ZNF704: variants seen among roughly 807,000 people sequenced by gnomAD.
The protein encoded by ZNF704 is zinc finger protein 704.
A neutral mutation model predicts 44.7 loss-of-function variants in ZNF704; 10 were observed. That is an observed-to-expected ratio of 0.22 (90% CI 0.14 to 0.38). ZNF704 has a LOEUF of 0.38. ZNF704 is among the 10% of genes least tolerant of loss of function. ZNF704 has a pLI of 1.00. For synonymous variants in ZNF704, 211 were observed against 207.6 expected (o/e 1.02, Z -0.14); for missense variants, 390 against 545.5 (o/e 0.71, Z 2.84).
At position 80,812,338 on chromosome 8, in the gene ZNF704, C is replaced by A; in HGVS notation, c.221+9036G>T. 4 of 189,266 alleles carry A rather than the reference C, an allele frequency of 2.1e-5. No homozygotes were observed. The South Asian group carries it at 4.0e-4, about 19-fold the overall frequency. 11.7% of individuals were successfully genotyped at this position (189,266 alleles called of 1,614,324 possible). On this transcript the variant is annotated intron_variant, in intron 2 of 8. Coordinates refer to ENST00000327835, the MANE Select transcript of ZNF704 (RefSeq NM_001033723.3). ...GGCTGCTTGTCATCTGCAGCAGTGT[C>A]ATACCACATCTCTCCCAGTTTTTTC...
At chr8:80,691,794 C>T (rs1818639787) in intron 3 of ZNF704, among the ~76,000 whole-genome samples, 1 of 152,194 alleles carries the variant, frequency 6.6e-6, no homozygotes. Flanking sequence ...TTGTCTTCTT[C>T]AGCAACTTCA....
intron 2 of ZNF704, among the ~76,000 whole-genome samples, chr8:80,757,727 G>A (rs73268640): frequency 0.029 from 4,464 of 152,068 alleles, 241 homozygotes; most frequent in African/African-American, 0.1. Flanking sequence ...TATTTTTACC[G>A]TACCTTTTTA....
intron 4 of ZNF704, among the ~76,000 whole-genome samples, chr8:80,677,231 GT>G (rs2063389504): frequency 6.6e-6 from 1 of 152,116 alleles, no homozygotes; most frequent in African/African-American, 2.4e-5. Context: ...ATTGCTGATT[GT>G]TTTAGGATAT....
chr8:80,810,835 C>T (rs1808069248), intron 2 of ZNF704, among the ~76,000 whole-genome samples: 2 of 152,170 alleles, frequency 1.3e-5, no homozygotes, highest in South Asian at 4.1e-4. Flanking sequence ...CTATTTAGTT[C>T]CAACTAGTCC....
chr8:80,679,632 A>G (rs1305684895), intron 4 of ZNF704, among the ~76,000 whole-genome samples: 1 of 152,210 alleles, frequency 6.6e-6, no homozygotes, highest in East Asian at 1.9e-4. Flanking sequence ...CACCAACGTC[A>G]GCAAAGACCT....
intron 2 of ZNF704, among the ~76,000 whole-genome samples, chr8:80,817,280 CAAGG>C (rs1371253584): frequency 1.3e-5 from 2 of 152,160 alleles, no homozygotes; most frequent in Non-Finnish European, 2.9e-5. Flanking sequence ...GCTAACTGAC[CAAGG>C]AAGGGCCCAG....
chr8:80,660,679 A>G (rs76774592), intron 6 of ZNF704, among the ~76,000 whole-genome samples: 8,451 of 152,242 alleles, frequency 0.056, 260 homozygotes, highest in Middle Eastern at 0.092. Flanking sequence ...ATGAGAACAT[A>G]CACTGGGGAA....
intron 1 of ZNF704, among the ~76,000 whole-genome samples, chr8:80,852,555 A>G (rs1273022931): frequency 6.6e-6 from 1 of 152,224 alleles, no homozygotes; most frequent in Non-Finnish European, 1.5e-5. Flanking sequence ...TGTCCTCAGA[A>G]GCTACTTGCT....
At chr8:80,760,373 C>A (rs1204107514) in intron 2 of ZNF704, among the ~76,000 whole-genome samples, 1 of 151,964 alleles carries the variant, frequency 6.6e-6, no homozygotes, top group Admixed American at 6.6e-5. Flanking sequence ...TAAAGAAATA[C>A]CTGGCCGGGC....
chr8:80,659,341 T>C lies in ZNF704; in HGVS notation c.1032+244A>G, dbSNP rs371317049. On this transcript the variant is annotated intron_variant, in intron 7 of 8. Transcript: ENST00000327835. Reference sequence around the variant, plus strand: ...ACTACCAACACACAAAAAATCTTGATATATTTCCAACAAGTTGTTTATGAA... The same window carrying C: ...ACTACCAACACACAAAAAATCTTGACATATTTCCAACAAGTTGTTTATGAA... Among the ~76,000 whole-genome samples, 39 of 152,360 alleles carry C rather than the reference T, an allele frequency of 2.6e-4. 1 individual carries two copies. The highest frequency in any genetic ancestry group is 3.4e-3 in the Middle Eastern group (1 of 294).
chr8:80,773,875 C>A, intron 2 of ZNF704, among the ~76,000 whole-genome samples: 1 of 152,080 alleles, frequency 6.6e-6, no homozygotes, highest in Admixed American at 6.6e-5. Context: ...GCTTTAAAAT[C>A]TTTGTCAGAT....
chr8:80,811,702 C>A (rs796780255), intron 2 of ZNF704, among the ~76,000 whole-genome samples: 1 of 152,306 alleles, frequency 6.6e-6, no homozygotes, highest in African/African-American at 2.4e-5. Flanking sequence ...TCTTACGCAG[C>A]CTTACATTTC....
chr8:80,706,497 T>A (rs1818901348), intron 2 of ZNF704, among the ~76,000 whole-genome samples: 1 of 152,268 alleles, frequency 6.6e-6, no homozygotes, highest in Non-Finnish European at 1.5e-5. Flanking sequence ...TTTACCTTTT[T>A]GTTTTTTCAA....
At chr8:80,724,446 T>A (rs377186760) in intron 2 of ZNF704, among the ~76,000 whole-genome samples, 1 of 152,232 alleles carries the variant, frequency 6.6e-6, no homozygotes, top group Non-Finnish European at 1.5e-5. Context: ...ATGACAAATA[T>A]ATATCTGCGA....
intron 1 of ZNF704, among the ~76,000 whole-genome samples, chr8:80,867,653 G>A (rs148537672): frequency 2.0e-5 from 3 of 152,122 alleles, no homozygotes; most frequent in African/African-American, 7.2e-5. Context: ...CCTTTTGCTC[G>A]AGCCAACACA....
intron 1 of ZNF704, among the ~76,000 whole-genome samples, chr8:80,855,799 T>C (rs1347218485): frequency 6.6e-6 from 1 of 152,158 alleles, no homozygotes; most frequent in East Asian, 1.9e-4. Flanking sequence ...AATAAAATAA[T>C]GATCATAGCA....
chr8:80,703,124 C>G (rs894066782), intron 2 of ZNF704, among the ~76,000 whole-genome samples: 6 of 152,126 alleles, frequency 3.9e-5, no homozygotes. Context: ...GCTCTGGTCT[C>G]CCGACTCTCT....
intron 2 of ZNF704, among the ~76,000 whole-genome samples, chr8:80,700,394 C>T (rs1818790514): frequency 6.6e-6 from 1 of 152,076 alleles, no homozygotes; most frequent in African/African-American, 2.4e-5. Flanking sequence ...TGCAGCTTCA[C>T]AAAACTTCAG....
At chr8:80,670,327 C>T (rs1818259474) in intron 5 of ZNF704, among the ~76,000 whole-genome samples, 176 bp downstream of exon 5, 2 of 152,194 alleles carry the variant, frequency 1.3e-5, no homozygotes, top group Admixed American at 1.3e-4. Flanking sequence ...TTGTTCTTTC[C>T]ACTGTGCCAT....
Sources: gnomAD v4.1 joint callset for allele counts (sites outside exome capture counted in the v4.1 genomes callset) on GRCh38, gnomAD v4.1.1 for gene constraint, MANE v1.5 for transcripts, NCBI Gene and HGNC (gene_info 2026-07-23, HGNC 2026-07-21) for gene names.